The following CPNE4 variants were observed in gnomAD, a reference collection of about 807,000 sequenced individuals.
The protein encoded by CPNE4 is copine-4.
Under a neutral mutation model 67.9 loss-of-function variants are expected in CPNE4, and 25 were observed. That is an observed-to-expected ratio of 0.37 (90% CI 0.27 to 0.51). The LOEUF (loss-of-function observed/expected upper bound fraction) is 0.51. Among genes scored for constraint, CPNE4 ranks in the 20% least tolerant of loss-of-function variants. CPNE4 has a pLI of 0.93. For missense variants in CPNE4, 464 were observed against 690.8 expected (o/e 0.67, Z 3.68); for synonymous variants, 242 against 244.9 (o/e 0.99, Z 0.11).
At chr3:131,606,046 T>G (rs1298834661) in intron 7 of CPNE4, among the ~76,000 whole-genome samples, 3 of 152,148 alleles carry the variant, frequency 2.0e-5, no homozygotes, top group Non-Finnish European at 4.4e-5. Context: ...GGTGGTTTAT[T>G]GATTGCTGTG....
At chr3:131,830,552 T>A (rs370255328) in intron 2 of CPNE4, among the ~76,000 whole-genome samples, 22 of 152,270 alleles carry the variant, frequency 1.4e-4, no homozygotes, top group African/African-American at 5.1e-4. Flanking sequence ...CTACTCTTAC[T>A]GGCGAGAGAC....
At chr3:132,038,191 T>G (rs2107711738), upstream of CPNE4, among the ~76,000 whole-genome samples, 1 of 152,286 alleles carries the variant, frequency 6.6e-6, no homozygotes, top group East Asian at 1.9e-4. Flanking sequence ...CTCTGGTGTT[T>G]CTGTATATGC....
intron 2 of CPNE4, among the ~76,000 whole-genome samples, chr3:131,831,503 T>A (rs2085366817): frequency 6.6e-6 from 1 of 152,138 alleles, no homozygotes; most frequent in Non-Finnish European, 1.5e-5. Flanking sequence ...ATACAAATTA[T>A]GAAAACTAAA....
chr3:131,800,009 G>A (rs149019912), intron 2 of CPNE4, among the ~76,000 whole-genome samples: 1 of 150,014 alleles, frequency 6.7e-6, no homozygotes, highest in East Asian at 2.0e-4. Context: ...TTTAATTTTA[G>A]ATTCAGAGGG....
chr3:131,764,190 G>A (rs1246113010), intron 2 of CPNE4, among the ~76,000 whole-genome samples: 1 of 151,108 alleles, frequency 6.6e-6, no homozygotes, highest in African/African-American at 2.4e-5. Flanking sequence ...TATTTTTGTG[G>A]AAAAATGCTC....
chr3:131,557,642 G>T (rs1936532625), intron 11 of CPNE4, among the ~76,000 whole-genome samples: 1 of 152,056 alleles, frequency 6.6e-6, no homozygotes, highest in South Asian at 2.1e-4. Context: ...ATTGCATCTA[G>T]CAGGTATTAG....
chr3:131,873,865 T>A lies in CPNE4; in HGVS notation c.180+31399A>T, dbSNP rs888840776. Among the ~76,000 whole-genome samples, 7 of 152,096 alleles carry A rather than the reference T, an allele frequency of 4.6e-5. No homozygotes were observed. In the East Asian group the frequency reaches 1.2e-3, roughly 25 times the overall value. ...CTCTTTCACTACCTGTCCTCTTGTCTCCTTTCTCAGGCCATTCCTGAGAGA... is the reference window on the plus strand; with the variant it reads ...CTCTTTCACTACCTGTCCTCTTGTCACCTTTCTCAGGCCATTCCTGAGAGA... On this transcript the variant is annotated intron_variant, in intron 2 of 15. Transcript: ENST00000429747.
intron 1 of CPNE4, among the ~76,000 whole-genome samples, chr3:132,033,121 A>G (rs897799835): frequency 6.6e-6 from 1 of 152,280 alleles, no homozygotes; most frequent in African/African-American, 2.4e-5. Context: ...GTAATTGTGT[A>G]CGCCTGTGTA....
chr3:132,036,945 A>G (rs2074350046), upstream of CPNE4, among the ~76,000 whole-genome samples: 1 of 152,186 alleles, frequency 6.6e-6, no homozygotes, highest in South Asian at 2.1e-4. Flanking sequence ...CAACCTGCCC[A>G]AGAAAGTTTT....
chr3:131,893,523 C>G (rs1402577093), intron 2 of CPNE4, among the ~76,000 whole-genome samples: 1 of 151,988 alleles, frequency 6.6e-6, no homozygotes, highest in Non-Finnish European at 1.5e-5. Context: ...GAAGAATACA[C>G]TTTATTCTCA....
At chr3:132,027,732 G>C (rs565020741) in intron 1 of CPNE4, among the ~76,000 whole-genome samples, 2 of 152,270 alleles carry the variant, frequency 1.3e-5, no homozygotes, top group Admixed American at 1.3e-4. Context: ...TGAGTTACCT[G>C]TTGAATCAAC....
intron 2 of CPNE4, among the ~76,000 whole-genome samples, chr3:131,904,557 T>C (rs916543993): frequency 6.6e-6 from 1 of 152,128 alleles, no homozygotes; most frequent in Non-Finnish European, 1.5e-5. Context: ...ACAGTCACCC[T>C]GTTTTGGGCT....
intron 1 of CPNE4, among the ~76,000 whole-genome samples, chr3:131,938,338 C>T (rs2071286633): frequency 6.6e-6 from 1 of 151,126 alleles, no homozygotes; most frequent in South Asian, 2.1e-4. Context: ...GCCTGCGTGA[C>T]AGAGTGATAT....
At chr3:131,691,610 G>C (rs2081034978) in intron 5 of CPNE4, among the ~76,000 whole-genome samples, 1 of 152,034 alleles carries the variant, frequency 6.6e-6, no homozygotes, top group Admixed American at 6.6e-5. Flanking sequence ...TACTACATGG[G>C]TAATGAGATC....
chr3:131,656,265 C>T (rs2079962746), intron 7 of CPNE4, among the ~76,000 whole-genome samples: 1 of 152,034 alleles, frequency 6.6e-6, no homozygotes, highest in Admixed American at 6.6e-5. Flanking sequence ...ATGGGAAGTT[C>T]TCTGAGACAT....
chr3:131,898,474 T>C (rs1158066391), intron 2 of CPNE4, among the ~76,000 whole-genome samples: 10 of 152,154 alleles, frequency 6.6e-5, no homozygotes, highest in Admixed American at 6.6e-4. Context: ...CTTCAGGGCA[T>C]ACAAAAGAAT....
chr3:131,569,436 A>T (rs1162626537), intron 10 of CPNE4, among the ~76,000 whole-genome samples: 1 of 151,902 alleles, frequency 6.6e-6, no homozygotes, highest in African/African-American at 2.4e-5. Flanking sequence ...GGAGTTTGAG[A>T]CCAGCTTGGG....
At chr3:131,854,611 A>T (rs1158847501) in intron 2 of CPNE4, among the ~76,000 whole-genome samples, 1 of 151,928 alleles carries the variant, frequency 6.6e-6, no homozygotes, top group Non-Finnish European at 1.5e-5. Flanking sequence ...CAGGATAAAC[A>T]ACCAACATTT....
intron 1 of CPNE4, among the ~76,000 whole-genome samples, chr3:131,912,357 C>T (rs1224997): frequency 0.24 from 36,197 of 151,880 alleles, 4,511 homozygotes; most frequent in Non-Finnish European, 0.27. Flanking sequence ...GGGGAACCAA[C>T]TGAGCAGAGC....
Sources: gnomAD v4.1 joint callset for allele counts (sites outside exome capture counted in the v4.1 genomes callset) on GRCh38, gnomAD v4.1.1 for gene constraint, MANE v1.5 for transcripts, NCBI Gene and HGNC (gene_info 2026-07-23, HGNC 2026-07-21) for gene names.